The following PLXNB2 variants were observed in gnomAD, a reference collection of about 807,000 sequenced individuals.
PLXNB2 encodes plexin B2.
A neutral mutation model predicts 202.6 loss-of-function variants in PLXNB2; 85 were observed. That is an observed-to-expected ratio of 0.42 (90% CI 0.35 to 0.50). The LOEUF (loss-of-function observed/expected upper bound fraction) is 0.50. PLXNB2 is among the 20% of genes least tolerant of loss of function. The pLI is 0.02. For synonymous variants in PLXNB2, 1,239 were observed against 1,137.6 expected (o/e 1.09, Z -1.79); for missense variants, 2,063 against 2,586.2 (o/e 0.80, Z 4.39).
intron 1 of PLXNB2, among the ~76,000 whole-genome samples, chr22:50,305,317 C>T (rs956625195): frequency 6.6e-6 from 1 of 152,220 alleles, no homozygotes; most frequent in Non-Finnish European, 1.5e-5. Context: ...GTCCAAGGCT[C>T]TGGGCTTTCT....
intron 1 of PLXNB2, chr22:50,301,608 C>G (rs1213436603): frequency 6.5e-6 from 1 of 153,894 alleles, no homozygotes; most frequent in Non-Finnish European, 1.4e-5. Flanking sequence ...CCACGCATCT[C>G]CCCCTTTCCA....
At position 50,288,486 on chromosome 22, in the gene PLXNB2, G is replaced by A. The variant is rs1334192495; in HGVS notation, c.1380+257C>T. 6.6e-6 allele frequency among the ~76,000 whole-genome samples: 1 copy of A among 152,102 alleles called. No homozygotes were observed. Among genetic ancestry groups the A allele is most frequent in the Non-Finnish European group, 1.5e-5 (1 of 68,016 alleles). On this transcript the variant is annotated intron_variant, in intron 5 of 36. Coordinates refer to ENST00000359337, the MANE Select transcript of PLXNB2 (RefSeq NM_012401.4). This position sits in a 1 kb window ranked among gnomAD's most constrained non-coding sequence, Gnocchi z 5.0. ...CCTTCCATCAGGACAGGGCAGAGGCGGGGCCAGAGGGAGAGACATGGTTGA... is the reference window on the plus strand; with the variant it reads ...CCTTCCATCAGGACAGGGCAGAGGCAGGGCCAGAGGGAGAGACATGGTTGA...
rs930446854 is a variant in PLXNB2 at position 50,292,000 on chromosome 22, A to C, written c.-13-1403T>G. On this transcript the variant is annotated intron_variant, in intron 2 of 36. Coordinates refer to ENST00000359337, the MANE Select transcript of PLXNB2 (RefSeq NM_012401.4). This position sits in a 1 kb window ranked among gnomAD's most constrained non-coding sequence, Gnocchi z 4.3. ...GCCACCACAAGTGTCACCTCCCTGC[A>C]TATGTCTCATCCCCTCGAAACGCAA... Among the ~76,000 whole-genome samples, 1 of 152,190 alleles carries C rather than the reference A, an allele frequency of 6.6e-6. No individual in the cohort carries two copies. The highest frequency in any genetic ancestry group is 2.1e-4 in the South Asian group (1 of 4,824).
intron 16 of PLXNB2, 57 bp from the exon 17 acceptor site, chr22:50,283,243 T>C: frequency 2.1e-5 from 34 of 1,603,568 alleles, no homozygotes; most frequent in Non-Finnish European, 2.6e-5. Flanking sequence ...CCCTCGGTCC[T>C]GGGCTGGATG....
In PLXNB2 at chr22:50,277,623, C is replaced by T; in HGVS notation, c.5164G>A (p.Ala1722Thr). Residue 1722 changes from alanine to threonine, a missense_variant, in exon 33 of 37, where the codon GCC (alanine) becomes ACC (threonine). Transcript: ENST00000359337. The stretch of plus-strand genomic sequence containing the variant: ...AGCTTATGCTCCGTGCGCGTGCAGG[C>T]ATCCATGAAGGTCTGCGCGATGACT... ...LSVIAQTFMDACTRTEHKLSR... is the reference protein window; with the variant it reads ...LSVIAQTFMDTCTRTEHKLSR... 1 of 1,598,604 alleles carries T rather than the reference C, an allele frequency of 6.3e-7. No individual in the cohort carries two copies. The highest frequency in any genetic ancestry group is 8.5e-7 in the Non-Finnish European group (1 of 1,170,632).
chr22:50,284,695 AGGC>A lies in PLXNB2; in HGVS notation c.2089-33_2089-31del, dbSNP rs766040696. 2 of 1,570,724 alleles carry A rather than the reference AGGC, an allele frequency of 1.3e-6. No individual in the cohort carries two copies. The highest frequency in any genetic ancestry group is 3.3e-5 in the Admixed American group (2 of 59,868). On this transcript the variant is annotated intron_variant, in intron 11 of 36. Transcript: ENST00000359337. This position sits in a 1 kb window ranked among gnomAD's most constrained non-coding sequence, Gnocchi z 8.0. ...AGACCATGCCGTCAGGACCCTGGAC[AGGC>A]GGCTGTGGCACCCTGGCCCTCCTCC...
At position 50,289,646 on chromosome 22, in the gene PLXNB2, C is replaced by T. The variant is rs753888397; in HGVS notation, c.939G>A (p.Leu313=). 2 of 1,609,624 alleles carry T rather than the reference C, an allele frequency of 1.2e-6. No homozygotes were observed. Among genetic ancestry groups the T allele is most frequent in the African/African-American group, 1.3e-5 (1 of 75,070 alleles). The change falls in exon 3 of 37, where the codon CTG becomes CTA. Residue 313 remains leucine, a synonymous_variant. Coordinates refer to ENST00000359337, the MANE Select transcript of PLXNB2 (RefSeq NM_012401.4). This position sits in a 1 kb window ranked among gnomAD's most constrained non-coding sequence, Gnocchi z 8.0. ...SSGGPGAGLC[L]FPLDKVHAKM... ...TGGCGTGCACCTTGTCCAGCGGGAA[C>T]AGGCAGAGGCCCGCACCGGGCCCCC...
At chr22:50,307,429 A>T (rs2067929844) in intron 1 of PLXNB2, 124 bp downstream of exon 1, 1 of 438,544 alleles carries the variant, frequency 2.3e-6, no homozygotes, top group Non-Finnish European at 3.0e-6. Flanking sequence ...CCCTCCGCGG[A>T]GCCGCAGCCG....
At position 50,291,469 on chromosome 22, in the gene PLXNB2, G is replaced by A. The variant is rs990790231; in HGVS notation, c.-13-872C>T. ...TGCCTGGGTCCGGGTGGATGAGGGG[G>A]ATGTGTGGTGTGATGGGTGAGCTGC... On this transcript the variant is annotated intron_variant, in intron 2 of 36. Transcript: ENST00000359337. This position sits in a 1 kb window ranked among gnomAD's most constrained non-coding sequence, Gnocchi z 4.3. Among the ~76,000 whole-genome samples the A allele has an allele frequency of 2.0e-5, 3 of 152,178 alleles. No individual in the cohort carries two copies. The highest frequency in any genetic ancestry group is 6.5e-5 in the Admixed American group (1 of 15,288).
chr22:50,292,155 G>A (rs907689290), intron 2 of PLXNB2, among the ~76,000 whole-genome samples: 15 of 152,064 alleles, frequency 9.9e-5, no homozygotes, highest in Non-Finnish European at 1.9e-4. Flanking sequence ...GGCCAACATG[G>A]TGAAACCCCG....
At chr22:50,295,544 T>C (rs1254648382) in intron 1 of PLXNB2, among the ~76,000 whole-genome samples, 2 of 152,154 alleles carry the variant, frequency 1.3e-5, no homozygotes, top group Non-Finnish European at 2.9e-5. Context: ...TGCTTGCTAT[T>C]GTATCTTCCC....
At chr22:50,280,290 C>A (rs1483445709) in intron 25 of PLXNB2, among the ~76,000 whole-genome samples, 199 bp downstream of exon 25, 2 of 152,198 alleles carry the variant, frequency 1.3e-5, no homozygotes, top group East Asian at 3.9e-4. Context: ...CAGCTGAAAC[C>A]GCTGGACAGG....
In PLXNB2 at chr22:50,289,430, T is replaced by G; in HGVS notation, c.1068+87A>C. The G allele has an allele frequency of 6.9e-7, 1 of 1,456,596 alleles. No homozygotes were observed. Among genetic ancestry groups the G allele is most frequent in the South Asian group, 1.4e-5 (1 of 73,368 alleles). 90.2% of individuals were successfully genotyped at this position (1,456,596 alleles called of 1,614,324 possible). ...GAGAGCCACGGCCACACTGCTCACG[T>G]GCACCCTCCCCAGCAGGCTGGGACA... On this transcript the variant is annotated intron_variant, in intron 3 of 36. Coordinates refer to ENST00000359337, the MANE Select transcript of PLXNB2 (RefSeq NM_012401.4). The surrounding 1 kb of genome is among the most constrained non-coding windows in gnomAD (Gnocchi z 8.0).
At chr22:50,307,386 A>C (rs1427808724) in intron 1 of PLXNB2, among the ~76,000 whole-genome samples, 167 bp downstream of exon 1, 1 of 150,876 alleles carries the variant, frequency 6.6e-6, no homozygotes, top group Non-Finnish European at 1.5e-5. Flanking sequence ...GCCTCGCCGG[A>C]TGGACCGACG....
In PLXNB2 at chr22:50,275,489, GGCTGGGGCTGGT is replaced by G; in HGVS notation, c.*203_*214del. The stretch of plus-strand genomic sequence containing the variant: ...TGGTTCTGCGGCCGGAGGGAGCTGG[GGCTGGGGCTGGT>G]GCTGGTGCGGTGCCCGGCGGTATTG... On this transcript the variant is annotated 3_prime_UTR_variant, in exon 37 of 37. Transcript: ENST00000359337. The G allele has an allele frequency of 1.5e-6, 1 of 667,492 alleles. No individual in the cohort carries two copies. Among genetic ancestry groups the G allele is most frequent in the Middle Eastern group, 2.4e-4 (1 of 4,156 alleles). The allele number at this position is 667,492 out of a possible 1,614,324, so 41.3% of individuals were successfully genotyped here.
chr22:50,291,038 C>T lies in PLXNB2; in HGVS notation c.-13-441G>A, dbSNP rs1569176374. ...TCAGGCTGACAGACAGACCCCTGGA[C>T]GTTGGAACAGGTGGCTCACCCATGG... On this transcript the variant is annotated intron_variant, in intron 2 of 36. Transcript: ENST00000359337. The surrounding 1 kb of genome is among the most constrained non-coding windows in gnomAD (Gnocchi z 4.3). Among the ~76,000 whole-genome samples the T allele has an allele frequency of 6.6e-6, 1 of 152,164 alleles. No individual in the cohort carries two copies. Among genetic ancestry groups the T allele is most frequent in the African/African-American group, 2.4e-5 (1 of 41,428 alleles).
Position 50,289,961 on chromosome 22 carries a change from G to A in PLXNB2, c.624C>T (p.Ala208=), listed in dbSNP as rs754435231. The change falls in exon 3 of 37, where the codon GCC becomes GCT. Residue 208 remains alanine (A), a synonymous_variant. Transcript: ENST00000359337. This position sits in a 1 kb window ranked among gnomAD's most constrained non-coding sequence, Gnocchi z 8.0. ...GCTGTGTGTTGGTGGACAGGTAGCC[G>A]GCCTTGTAGGTGGCGTGGTCCGTGT... The part of the protein sequence containing the change: ...EAYTDHATYK[A]GYLSTNTQQF... The A allele has an allele frequency of 1.5e-5, 24 of 1,613,310 alleles. No individual in the cohort carries two copies. In the Middle Eastern group the frequency reaches 1.2e-3, roughly 78 times the overall value.
At position 50,290,510 on chromosome 22, in the gene PLXNB2, C is replaced by T. The variant is rs1295394804; in HGVS notation, c.75G>A (p.Leu25=). Residue 25 remains leucine, a synonymous_variant, in exon 3 of 37, where the codon CTG becomes CTA. Coordinates refer to ENST00000359337, the MANE Select transcript of PLXNB2 (RefSeq NM_012401.4). ...GCTCTTTCTCGCTGCGGAAGAAGTC[C>T]AGCTTGCGGGGCCTCAGGCTGGCAC... ...GAGASLRPRK[L]DFFRSEKELN... 1 of 1,612,546 alleles carries T rather than the reference C, an allele frequency of 6.2e-7. No homozygotes were observed. The highest frequency in any genetic ancestry group is 1.3e-5 in the African/African-American group (1 of 74,938).
In PLXNB2 at chr22:50,287,715, G is replaced by A. The variant is rs769239999; in HGVS notation, c.1560C>T (p.Ala520=). 2.0e-5 allele frequency: 31 copies of A among 1,566,602 alleles called. No homozygotes were observed. Among genetic ancestry groups the A allele is most frequent in the African/African-American group, 1.1e-4 (8 of 74,284 alleles). The change falls in exon 7 of 37, where the codon GCC becomes GCT. Residue 520 remains alanine, a synonymous_variant. Coordinates refer to ENST00000359337, the MANE Select transcript of PLXNB2 (RefSeq NM_012401.4). The part of the protein sequence containing the change: ...WLWSRSKSCV[A]VTSAQPQNMS... Reference sequence around the variant, plus strand: ...TGTTCTGTGGCTGGGCGCTGGTGACGGCCACGCAGGACTTGCTTCGGCTCC... The same window carrying A: ...TGTTCTGTGGCTGGGCGCTGGTGACAGCCACGCAGGACTTGCTTCGGCTCC...
Sources: gnomAD v4.1 joint callset for allele counts (sites outside exome capture counted in the v4.1 genomes callset) on GRCh38, gnomAD v4.1.1 for gene constraint, Gnocchi (gnomAD v3.1) non-coding constraint, MANE v1.5 for transcripts, NCBI Gene and HGNC (gene_info 2026-07-23, HGNC 2026-07-21) for gene names.